VNN1: variants seen among roughly 807,000 people sequenced by gnomAD.
The protein encoded by VNN1 is vanin 1.
Under a neutral mutation model 41.9 loss-of-function variants are expected in VNN1, and 29 were observed. The ratio of observed to expected loss-of-function variants is 0.69; its 90% CI spans 0.52 to 0.94. VNN1 has a LOEUF of 0.94. Among genes scored for constraint, VNN1 ranks in the 40% least tolerant of loss-of-function variants. VNN1 has a pLI of 0.00. For synonymous variants in VNN1, 233 were observed against 224.4 expected (o/e 1.04, Z -0.34); for missense variants, 637 against 621.1 (o/e 1.03, Z -0.27).
At chr6:132,699,114 G>T in intron 2 of VNN1, 1 of 309,784 alleles carries the variant, frequency 3.2e-6, no homozygotes, top group East Asian at 9.7e-5. Flanking sequence ...GAAGAGGAAA[G>T]GGATGTCCCA....
At chr6:132,702,674 A>T (rs1778464517) in intron 2 of VNN1, among the ~76,000 whole-genome samples, 1 of 152,234 alleles carries the variant, frequency 6.6e-6, no homozygotes, top group Non-Finnish European at 1.5e-5. Context: ...CTTGGATAAC[A>T]GCTCAACCAC....
chr6:132,705,179 G>A (rs187234557), intron 2 of VNN1, among the ~76,000 whole-genome samples: 2 of 147,904 alleles, frequency 1.4e-5, no homozygotes, highest in African/African-American at 4.8e-5. Flanking sequence ...ATTCAATGAG[G>A]CTAGTATTAT....
chr6:132,713,064 A>C (rs1446186893), intron 1 of VNN1, among the ~76,000 whole-genome samples: 3 of 152,168 alleles, frequency 2.0e-5, no homozygotes, highest in Non-Finnish European at 4.4e-5. Context: ...GAGCCCGGGA[A>C]GTCAAGGCTG....
chr6:132,685,820 C>T (rs531336666), intron 5 of VNN1, among the ~76,000 whole-genome samples: 1 of 152,290 alleles, frequency 6.6e-6, no homozygotes, highest in Non-Finnish European at 1.5e-5. Flanking sequence ...CTCCCCTACT[C>T]CAGTAAATAA....
intron 2 of VNN1, among the ~76,000 whole-genome samples, chr6:132,704,131 T>G (rs1206922363): frequency 3.9e-5 from 6 of 152,056 alleles, no homozygotes; most frequent in Admixed American, 2.6e-4. Context: ...ACATCCTACT[T>G]TCAGCATTGG....
At chr6:132,684,112 A>C (rs1350706007) in intron 6 of VNN1, among the ~76,000 whole-genome samples, 1 of 152,054 alleles carries the variant, frequency 6.6e-6, no homozygotes, top group Non-Finnish European at 1.5e-5. Context: ...TAATCCCCAA[A>C]ATAAGATATA....
chr6:132,689,164 G>A (rs1778246809), intron 5 of VNN1, among the ~76,000 whole-genome samples: 1 of 152,120 alleles, frequency 6.6e-6, no homozygotes, highest in South Asian at 2.1e-4. Flanking sequence ...GGGATTACAG[G>A]CCACTGCACT....
chr6:132,704,164 A>C (rs11967890), intron 2 of VNN1, among the ~76,000 whole-genome samples: 2,750 of 152,174 alleles, frequency 0.018, 38 homozygotes, highest in Non-Finnish European at 0.027. Context: ...GAAGGAAAAA[A>C]AAAATAAAGA....
At chr6:132,700,714 AATG>A (rs1430316980) in intron 2 of VNN1, among the ~76,000 whole-genome samples, 1 of 152,218 alleles carries the variant, frequency 6.6e-6, no homozygotes, top group Non-Finnish European at 1.5e-5. Context: ...AACTCACAGT[AATG>A]ATTTATCTTT....
intron 5 of VNN1, 143 bp from the exon 6 acceptor site, chr6:132,684,648 T>C: frequency 1.6e-6 from 1 of 617,812 alleles, no homozygotes; most frequent in Non-Finnish European, 2.4e-6. Flanking sequence ...CATTTGTTAA[T>C]GACAATAAAG....
intron 2 of VNN1, among the ~76,000 whole-genome samples, chr6:132,697,810 G>A (rs2247269): frequency 0.43 from 65,945 of 151,964 alleles, 15,441 homozygotes; most frequent in African/African-American, 0.6. Context: ...AAGAACAACC[G>A]TTCAATAGTT....
intron 6 of VNN1, among the ~76,000 whole-genome samples, 183 bp from the exon 7 acceptor site, chr6:132,683,505 A>G (rs1036194468): frequency 6.6e-6 from 1 of 152,224 alleles, no homozygotes; most frequent in African/African-American, 2.4e-5. Context: ...GCACTGATTC[A>G]TTTATTAGTG....
At chr6:132,695,315 G>A (rs979966872) in intron 2 of VNN1, among the ~76,000 whole-genome samples, 1 of 152,112 alleles carries the variant, frequency 6.6e-6, no homozygotes, top group African/African-American at 2.4e-5. Context: ...ACTTCCAGAA[G>A]AATGCTTGGA....
At chr6:132,695,487 A>C (rs913570266) in intron 2 of VNN1, among the ~76,000 whole-genome samples, 1 of 152,080 alleles carries the variant, frequency 6.6e-6, no homozygotes, top group Non-Finnish European at 1.5e-5. Flanking sequence ...CTTGTCTTTC[A>C]AATATACGAG....
At position 132,682,647 on chromosome 6, in the gene VNN1, G is replaced by C. The variant is rs906359866; in HGVS notation, c.*493C>G. 3.3e-5 allele frequency: 5 copies of C among 152,678 alleles called. No homozygotes were observed. Among genetic ancestry groups the C allele is most frequent in the African/African-American group, 9.7e-5 (4 of 41,414 alleles). The allele number at this position is 152,678 out of a possible 1,614,324, so 9.5% of individuals were successfully genotyped here. Reference sequence around the variant, plus strand: ...CTGTCTCCAAATACAGTCACATTCTGAGGTGCTTCAACATGTAAATTTTGG... The same window carrying C: ...CTGTCTCCAAATACAGTCACATTCTCAGGTGCTTCAACATGTAAATTTTGG... On this transcript the variant is annotated 3_prime_UTR_variant, in exon 7 of 7. Transcript: ENST00000367928.
chr6:132,705,179 G>T (rs187234557), intron 2 of VNN1, among the ~76,000 whole-genome samples: 97 of 148,022 alleles, frequency 6.6e-4, no homozygotes, highest in African/African-American at 2.3e-3. Context: ...ATTCAATGAG[G>T]CTAGTATTAT....
chr6:132,692,614 G>A, intron 4 of VNN1, 30 bp from the exon 5 acceptor site: 1 of 1,523,574 alleles, frequency 6.6e-7, no homozygotes, highest in Non-Finnish European at 8.7e-7. Context: ...AACATCATTT[G>A]AAATTGGAAA....
chr6:132,711,908 A>G, intron 1 of VNN1, 69 bp from the exon 2 acceptor site: 2 of 1,562,746 alleles, frequency 1.3e-6, no homozygotes, highest in Non-Finnish European at 1.7e-6. Flanking sequence ...TGGCTGAGTA[A>G]CAACTATTTG....
chr6:132,686,597 AC>A (rs1400939705), intron 5 of VNN1, among the ~76,000 whole-genome samples: 2 of 152,148 alleles, frequency 1.3e-5, no homozygotes, highest in African/African-American at 4.8e-5. Flanking sequence ...AAAGACACTT[AC>A]CTCCGATTTC....
Sources: allele counts gnomAD v4.1 joint callset (sites outside exome capture counted in the v4.1 genomes callset), GRCh38; gene constraint gnomAD v4.1.1; transcripts MANE v1.5; gene names NCBI Gene and HGNC (gene_info 2026-07-23, HGNC 2026-07-21).